The following GALNT18 variants were observed in gnomAD, a reference collection of about 807,000 sequenced individuals.
The protein encoded by GALNT18 is polypeptide N-acetylgalactosaminyltransferase 18.
A neutral mutation model predicts 69.5 loss-of-function variants in GALNT18; 44 were observed. The ratio of observed to expected loss-of-function variants is 0.63; its 90% CI spans 0.50 to 0.81. The LOEUF is 0.81. Among genes scored for constraint, GALNT18 ranks in the 40% least tolerant of loss-of-function variants. GALNT18 has a pLI of 0.00. For missense variants in GALNT18, 715 were observed against 810.0 expected, an observed-to-expected ratio of 0.88 and a Z score of 1.42; for synonymous variants, 364 against 318.2, an observed-to-expected ratio of 1.14 and a Z score of -1.53.
chr11:11,460,102 C>G (rs1856008105), intron 1 of GALNT18, among the ~76,000 whole-genome samples: 1 of 152,192 alleles, frequency 6.6e-6, no homozygotes, highest in Admixed American at 6.5e-5. Context: ...TTGCGTTAGG[C>G]ACACCTGGGC....
chr11:11,409,447 C>T (rs964926161), intron 3 of GALNT18, among the ~76,000 whole-genome samples: 8 of 152,158 alleles, frequency 5.3e-5, no homozygotes, highest in Non-Finnish European at 1.0e-4. Context: ...GGACTCCACC[C>T]GGCCACAGTC....
chr11:11,282,837 G>C (rs1482480168), intron 10 of GALNT18, among the ~76,000 whole-genome samples: 1 of 152,176 alleles, frequency 6.6e-6, no homozygotes, highest in South Asian at 2.1e-4. Flanking sequence ...CTTTGCTTTT[G>C]TAGAGACCAT....
At chr11:11,325,854 TCAGTCCC>T (rs981815962) in intron 9 of GALNT18, among the ~76,000 whole-genome samples, 1 of 152,110 alleles carries the variant, frequency 6.6e-6, no homozygotes, top group African/African-American at 2.4e-5. Context: ...TCACAGCAAC[TCAGTCCC>T]CAAAAAGGAC....
intron 10 of GALNT18, among the ~76,000 whole-genome samples, 188 bp downstream of exon 10, chr11:11,292,841 A>T (rs561823613): frequency 6.6e-6 from 1 of 152,320 alleles, no homozygotes; most frequent in East Asian, 1.9e-4. Context: ...AACACATGAG[A>T]CCCACAGCAC....
At chr11:11,530,562 C>T (rs1439212485) in intron 1 of GALNT18, among the ~76,000 whole-genome samples, 1 of 152,212 alleles carries the variant, frequency 6.6e-6, no homozygotes, top group African/African-American at 2.4e-5. Context: ...GTGCCATAGG[C>T]ATCCTCTAGA....
chr11:11,329,420 A>G (rs539037163), intron 8 of GALNT18, among the ~76,000 whole-genome samples: 2 of 152,190 alleles, frequency 1.3e-5, no homozygotes, highest in South Asian at 4.2e-4. Flanking sequence ...GTGTAGTAAC[A>G]AGCTCCACTC....
chr11:11,575,273 G>T (rs1858895493), intron 1 of GALNT18, among the ~76,000 whole-genome samples: 2 of 152,162 alleles, frequency 1.3e-5, no homozygotes, highest in South Asian at 4.1e-4. Context: ...GCCATCCCTG[G>T]TTCAGCCTCT....
chr11:11,393,237 T>G (rs1854236747), intron 3 of GALNT18, among the ~76,000 whole-genome samples: 1 of 152,170 alleles, frequency 6.6e-6, no homozygotes, highest in Admixed American at 6.5e-5. Flanking sequence ...CTGATGGGAC[T>G]GGAAGGGATT....
chr11:11,565,482 C>T (rs1195403158), intron 1 of GALNT18, among the ~76,000 whole-genome samples: 1 of 152,108 alleles, frequency 6.6e-6, no homozygotes, highest in Non-Finnish European at 1.5e-5. Flanking sequence ...GGCCTCTAAG[C>T]ATGAGGGTAA....
intron 9 of GALNT18, among the ~76,000 whole-genome samples, chr11:11,310,182 C>T (rs1177007866): frequency 2.0e-5 from 3 of 152,152 alleles, no homozygotes; most frequent in Admixed American, 6.6e-5. Context: ...AACCAAGGCA[C>T]GCATTATGAG....
At chr11:11,302,589 CT>C (rs1056477306) in intron 9 of GALNT18, among the ~76,000 whole-genome samples, 4 of 152,192 alleles carry the variant, frequency 2.6e-5, no homozygotes, top group African/African-American at 9.6e-5. Flanking sequence ...CAGAAACACG[CT>C]GCCATGGGAC....
rs1436728285 is a variant in GALNT18, at chr11:11,523,471, C to A, written c.236-74535G>T. On this transcript the variant is annotated intron_variant, in intron 1 of 10. Transcript: ENST00000227756. This position sits in a 1 kb window ranked among gnomAD's most constrained non-coding sequence, Gnocchi z 4.3. ...ATGCTCTTAAAATTCTTACACCGTG[C>A]CACTTTGGGAGGCTGAGGCGGGTGG... 2.0e-5 allele frequency among the ~76,000 whole-genome samples: 3 copies of A among 151,902 alleles called. No individual in the cohort carries two copies. Among genetic ancestry groups the A allele is most frequent in the Non-Finnish European group, 2.9e-5 (2 of 67,934 alleles).
chr11:11,615,396 G>C (rs1373292422), intron 1 of GALNT18, among the ~76,000 whole-genome samples: 3 of 152,206 alleles, frequency 2.0e-5, no homozygotes, highest in African/African-American at 7.2e-5. Flanking sequence ...ACAAAATGCA[G>C]TTAATAACCC....
chr11:11,433,017 C>A (rs1468364299), intron 2 of GALNT18, among the ~76,000 whole-genome samples: 2 of 152,240 alleles, frequency 1.3e-5, no homozygotes, highest in Non-Finnish European at 2.9e-5. Context: ...AGTGACTATG[C>A]CAGCTGAACA....
chr11:11,474,117 A>G (rs1190555053), intron 1 of GALNT18, among the ~76,000 whole-genome samples: 1 of 152,198 alleles, frequency 6.6e-6, no homozygotes, highest in African/African-American at 2.4e-5. Context: ...CCAAGACATT[A>G]AGTAAAATAA....
intron 1 of GALNT18, among the ~76,000 whole-genome samples, chr11:11,611,434 T>C (rs1859897614): frequency 6.6e-6 from 1 of 152,182 alleles, no homozygotes; most frequent in African/African-American, 2.4e-5. Context: ...CTTTGTAACC[T>C]TCAAGCAAGT....
rs762135836 is a variant in GALNT18, at chr11:11,563,789, T to C, written c.235+57570A>G. On this transcript the variant is annotated intron_variant, in intron 1 of 10. Transcript: ENST00000227756. This position sits in a 1 kb window ranked among gnomAD's most constrained non-coding sequence, Gnocchi z 4.6. ...TATTCTGAGAAATCAAAGCAGCTCT[T>C]TTCTATCCAGAACTATAAATATCCA... 7.2e-5 allele frequency among the ~76,000 whole-genome samples: 11 copies of C among 152,364 alleles called. No homozygotes were observed. Among genetic ancestry groups the C allele is most frequent in the Non-Finnish European group, 1.3e-4 (9 of 68,032 alleles).
Position 11,465,970 on chromosome 11 carries a change from G to A in GALNT18, c.236-17034C>T, listed in dbSNP as rs1856147844. ...TGTGAGCCAAAGTCAGGGCCCAAAG[G>A]AACCACAGGAGGCATCCATCCAGAC... On this transcript the variant is annotated intron_variant, in intron 1 of 10. Transcript: ENST00000227756. The surrounding 1 kb of genome is among the most constrained non-coding windows in gnomAD (Gnocchi z 5.7). Among the ~76,000 whole-genome samples the A allele has an allele frequency of 1.3e-5, 2 of 152,118 alleles. No individual in the cohort carries two copies.
chr11:11,483,352 A>G (rs1856574235), intron 1 of GALNT18, among the ~76,000 whole-genome samples: 1 of 152,204 alleles, frequency 6.6e-6, no homozygotes, highest in Non-Finnish European at 1.5e-5. Flanking sequence ...GTCCTCAGTC[A>G]TAGCACAGCT....
Sources: gnomAD v4.1 joint callset for allele counts (sites outside exome capture counted in the v4.1 genomes callset) on GRCh38, gnomAD v4.1.1 for gene constraint, Gnocchi (gnomAD v3.1) non-coding constraint, MANE v1.5 for transcripts, NCBI Gene and HGNC (gene_info 2026-07-23, HGNC 2026-07-21) for gene names.